The following HOMER2 variants were observed in gnomAD, a reference collection of about 807,000 sequenced individuals.
HOMER2 encodes homer protein homolog 2.
HOMER2 carries 27 observed loss-of-function variants against 47.0 expected under a neutral mutation model. That is an observed-to-expected ratio of 0.57 (90% CI 0.42 to 0.79). The LOEUF (loss-of-function observed/expected upper bound fraction) is 0.79. HOMER2 is among the 30% of genes least tolerant of loss of function. HOMER2 has a pLI of 0.00. For synonymous variants in HOMER2, 161 were observed against 163.8 expected (o/e 0.98, Z 0.13); for missense variants, 443 against 435.0 (o/e 1.02, Z -0.16).
intron 1 of HOMER2, among the ~76,000 whole-genome samples, chr15:82,977,180 T>A (rs1262808844): frequency 2.0e-5 from 3 of 152,108 alleles, no homozygotes; most frequent in Non-Finnish European, 4.4e-5. Context: ...AAAAAAGTAA[T>A]TTTTGCTGCA....
At chr15:82,943,718 C>T (rs951729014) in intron 1 of HOMER2, among the ~76,000 whole-genome samples, 1 of 152,200 alleles carries the variant, frequency 6.6e-6, no homozygotes, top group Admixed American at 6.5e-5. Flanking sequence ...GACAAGATTA[C>T]CCGCAGAACA....
intron 3 of HOMER2, among the ~76,000 whole-genome samples, chr15:82,868,028 C>A (rs887826484): frequency 3.9e-5 from 6 of 151,964 alleles, no homozygotes; most frequent in Non-Finnish European, 7.4e-5. Flanking sequence ...TCTAATATTT[C>A]CCCCTTATTC....
chr15:82,854,405 C>CA (rs558909046), intron 6 of HOMER2, among the ~76,000 whole-genome samples: 99 of 149,964 alleles, frequency 6.6e-4, no homozygotes, highest in Admixed American at 1.9e-3. Context: ...GACTCCATCT[C>CA]AAAAAAAAAG....
At chr15:82,891,212 G>A (rs554966634) in intron 2 of HOMER2, among the ~76,000 whole-genome samples, 2 of 152,230 alleles carry the variant, frequency 1.3e-5, no homozygotes, top group South Asian at 4.2e-4. Context: ...AACAAACCAG[G>A]AACTGGTGTG....
intron 1 of HOMER2, among the ~76,000 whole-genome samples, chr15:82,903,754 CGAGGCCAGGGCGGGCAGATGGCTT>C (rs2053203384): frequency 6.6e-6 from 1 of 152,136 alleles, no homozygotes; most frequent in African/African-American, 2.4e-5. Flanking sequence ...CAGCACTTTG[CGAGGCCAGGGCGGGCAGATGGCTT>C]GAGGCCAGGA....
intron 1 of HOMER2, among the ~76,000 whole-genome samples, chr15:82,980,798 A>G (rs2030366262): frequency 6.6e-6 from 1 of 152,184 alleles, no homozygotes. Context: ...CCCTGGGACA[A>G]CTTTTCCCTA....
At chr15:82,856,192 T>C (rs1005830138) in intron 5 of HOMER2, among the ~76,000 whole-genome samples, 1 of 152,208 alleles carries the variant, frequency 6.6e-6, no homozygotes, top group African/African-American at 2.4e-5. Flanking sequence ...TTTAAGCTAA[T>C]TTAGGGAAAT....
upstream of HOMER2, among the ~76,000 whole-genome samples, chr15:82,956,568 G>C (rs2054589682): frequency 6.6e-6 from 1 of 152,060 alleles, no homozygotes; most frequent in African/African-American, 2.4e-5. Context: ...GATAAGAAGG[G>C]GACAAGAGTA....
intron 2 of HOMER2, among the ~76,000 whole-genome samples, chr15:82,879,119 T>C (rs755655432): frequency 3.9e-5 from 6 of 152,244 alleles, no homozygotes; most frequent in African/African-American, 1.4e-4. Context: ...AGAATGTCCA[T>C]TTGGCTCTTT....
downstream of HOMER2, among the ~76,000 whole-genome samples, chr15:82,848,665 C>T (rs905479783): frequency 2.0e-5 from 3 of 152,222 alleles, no homozygotes; most frequent in South Asian, 6.2e-4. Flanking sequence ...TAAGACAATC[C>T]TACCCTAGGT....
chr15:82,858,729 T>A (rs993796960), intron 5 of HOMER2, among the ~76,000 whole-genome samples: 18 of 152,086 alleles, frequency 1.2e-4, no homozygotes, highest in African/African-American at 4.3e-4. Context: ...ACACACACTC[T>A]GACACTACCA....
chr15:82,918,486 C>A (rs570152233), intron 1 of HOMER2, among the ~76,000 whole-genome samples: 21 of 152,254 alleles, frequency 1.4e-4, no homozygotes, highest in African/African-American at 4.3e-4. Context: ...CAGGCCCCAC[C>A]TCAGCAGGTG....
intron 2 of HOMER2, among the ~76,000 whole-genome samples, chr15:82,879,326 T>A (rs778712080): frequency 8.5e-5 from 13 of 152,062 alleles, no homozygotes; most frequent in Non-Finnish European, 1.8e-4. Context: ...CAAAACCCCA[T>A]CTCGACTAAA....
chr15:82,837,223 A>G (rs1309985242), exon 2 of HOMER2: 1 of 152,220 alleles, frequency 6.6e-6, no homozygotes, highest in Non-Finnish European at 1.5e-5. Context: ...GCTGCTGAGA[A>G]CTTGTGTGAT....
intron 3 of HOMER2, among the ~76,000 whole-genome samples, chr15:82,874,073 G>A (rs1395378769): frequency 6.6e-6 from 1 of 152,168 alleles, no homozygotes; most frequent in Non-Finnish European, 1.5e-5. Flanking sequence ...AGGCAACTCT[G>A]TCAATTCCCC....
At chr15:82,900,119 G>A (rs2053065288) in intron 1 of HOMER2, among the ~76,000 whole-genome samples, 1 of 152,056 alleles carries the variant, frequency 6.6e-6, no homozygotes, top group African/African-American at 2.4e-5. Flanking sequence ...TAGGAAGCAT[G>A]CAAGATCTAT....
chr15:82,848,487 CTG>C (rs2051287372), downstream of HOMER2, among the ~76,000 whole-genome samples: 1 of 152,208 alleles, frequency 6.6e-6, no homozygotes, highest in Non-Finnish European at 1.5e-5. Context: ...CTGAGCAGCT[CTG>C]TGAGAGAGGA....
intron 2 of HOMER2, among the ~76,000 whole-genome samples, chr15:82,882,339 C>A (rs2052546809): frequency 6.6e-6 from 1 of 152,208 alleles, no homozygotes; most frequent in Non-Finnish European, 1.5e-5. Flanking sequence ...CCCCCACCCC[C>A]TTCTATGGCG....
At chr15:82,892,660 T>A (rs747577206) in intron 2 of HOMER2, 25 bp downstream of exon 2, 1 of 1,474,818 alleles carries the variant, frequency 6.8e-7, no homozygotes, top group Non-Finnish European at 9.1e-7. Context: ...ACTGGGAGTA[T>A]TAAAATCAGC....
Sources: allele counts gnomAD v4.1 joint callset (sites outside exome capture counted in the v4.1 genomes callset), GRCh38; gene constraint gnomAD v4.1.1; transcripts MANE v1.5; gene names NCBI Gene and HGNC (gene_info 2026-07-23, HGNC 2026-07-21).